The following CHST9 variants were observed in gnomAD, a reference collection of about 807,000 sequenced individuals.
CHST9 encodes carbohydrate sulfotransferase 9, also known as GalNAc-4-sulfotransferase 2.
CHST9 carries 41 observed loss-of-function variants against 44.4 expected under a neutral mutation model. The ratio of observed to expected loss-of-function variants is 0.92; its 90% CI spans 0.72 to 1.20. CHST9 has a LOEUF of 1.20. CHST9 is among the 50% of genes most tolerant of loss of function. CHST9 has a pLI of 0.00. For synonymous variants in CHST9, 171 were observed against 178.4 expected, an observed-to-expected ratio of 0.96 and a Z score of 0.33; for missense variants, 504 against 516.5, an observed-to-expected ratio of 0.98 and a Z score of 0.23.
chr18:27,160,149 G>T (rs1403311400), intron 1 of CHST9, among the ~76,000 whole-genome samples: 1 of 152,112 alleles, frequency 6.6e-6, no homozygotes, highest in Non-Finnish European at 1.5e-5. Context: ...ACACTATGTT[G>T]AATAGGAGTG....
chr18:27,095,423 CA>C (rs2143731246), intron 2 of CHST9, among the ~76,000 whole-genome samples: 1 of 152,202 alleles, frequency 6.6e-6, no homozygotes, highest in South Asian at 2.1e-4. Flanking sequence ...ATGTTAGGAT[CA>C]AAACCTCATA....
chr18:26,978,073 C>T (rs1045679704), intron 4 of CHST9, among the ~76,000 whole-genome samples: 3 of 150,220 alleles, frequency 2.0e-5, no homozygotes, highest in Non-Finnish European at 4.4e-5. Flanking sequence ...TCAAAGACAT[C>T]TGCTCTTTTC....
At chr18:26,954,777 A>G (rs532691302) in intron 4 of CHST9, among the ~76,000 whole-genome samples, 3 of 152,136 alleles carry the variant, frequency 2.0e-5, no homozygotes, top group Admixed American at 6.5e-5. Context: ...CAAACTTGCA[A>G]TTATTTTATT....
intron 2 of CHST9, among the ~76,000 whole-genome samples, chr18:27,062,984 G>C (rs1433240047): frequency 6.6e-6 from 1 of 152,130 alleles, no homozygotes; most frequent in African/African-American, 2.4e-5. Context: ...CACCTCACCT[G>C]GTAGGTCTCT....
At chr18:27,129,871 G>A (rs898226240) in intron 2 of CHST9, among the ~76,000 whole-genome samples, 5 of 151,952 alleles carry the variant, frequency 3.3e-5, no homozygotes, top group Non-Finnish European at 5.9e-5. Context: ...TCCTCGTGGT[G>A]CATCTAGTTG....
At chr18:27,067,974 C>T (rs2057799740) in intron 2 of CHST9, among the ~76,000 whole-genome samples, 1 of 152,142 alleles carries the variant, frequency 6.6e-6, no homozygotes, top group Non-Finnish European at 1.5e-5. Flanking sequence ...CCCATAGAGT[C>T]CCCAAGACTA....
chr18:27,035,428 T>C (rs2057380936), intron 3 of CHST9, among the ~76,000 whole-genome samples: 1 of 152,150 alleles, frequency 6.6e-6, no homozygotes, highest in East Asian at 1.9e-4. Context: ...AGCTAGGATA[T>C]GGAAACAATC....
intron 4 of CHST9, among the ~76,000 whole-genome samples, chr18:27,012,941 T>A (rs2057102934): frequency 6.6e-6 from 1 of 152,226 alleles, no homozygotes; most frequent in Admixed American, 6.5e-5. Context: ...GATCTAATTT[T>A]ACATACTGTG....
intron 5 of CHST9, among the ~76,000 whole-genome samples, chr18:26,924,214 A>T (rs1312889543): frequency 3.3e-5 from 5 of 152,178 alleles, no homozygotes; most frequent in Non-Finnish European, 5.9e-5. Context: ...ACAATGGGGT[A>T]AGAATGAAGA....
intron 2 of CHST9, among the ~76,000 whole-genome samples, chr18:27,058,803 T>C (rs2057688048): frequency 6.6e-6 from 1 of 152,194 alleles, no homozygotes; most frequent in African/African-American, 2.4e-5. Context: ...CTGCCAGACT[T>C]TTCCCAAATC....
At chr18:27,145,190 G>T (rs1456956783) in intron 1 of CHST9, among the ~76,000 whole-genome samples, 1 of 152,038 alleles carries the variant, frequency 6.6e-6, no homozygotes, top group Non-Finnish European at 1.5e-5. Context: ...TTGTTTGTTT[G>T]TTTTGTTTAT....
Position 26,970,702 on chromosome 18 carries a change from A to G in CHST9, c.203-26336T>C, listed in dbSNP as rs750455440. 1.4e-3 allele frequency among the ~76,000 whole-genome samples: 215 copies of G among 152,348 alleles called. 1 individual carries two copies. In the Middle Eastern group the frequency reaches 0.034, roughly 24 times the overall value. ...CTCGGCCTCCCAAAGTGCTGGGATT[A>G]TAGGCGTGAGCCAATGCGCCTGGCT... On this transcript the variant is annotated intron_variant, in intron 4 of 5. Transcript: ENST00000618847.
chr18:27,011,177 G>A (rs1276718664), intron 4 of CHST9, among the ~76,000 whole-genome samples: 1 of 152,126 alleles, frequency 6.6e-6, no homozygotes, highest in Non-Finnish European at 1.5e-5. Context: ...TAGTAATAAA[G>A]TCAAAAAAGA....
At chr18:26,968,646 A>T (rs2145164479) in intron 4 of CHST9, among the ~76,000 whole-genome samples, 1 of 152,374 alleles carries the variant, frequency 6.6e-6, no homozygotes, top group African/African-American at 2.4e-5. Flanking sequence ...TTCATTAAAT[A>T]TTCTACAATG....
chr18:27,099,457 T>C (rs2058149286), intron 2 of CHST9, among the ~76,000 whole-genome samples: 1 of 152,004 alleles, frequency 6.6e-6, no homozygotes, highest in Non-Finnish European at 1.5e-5. Flanking sequence ...AGGTCTAATA[T>C]ACAGAATTGA....
chr18:27,140,785 G>T (rs78685490), intron 2 of CHST9, among the ~76,000 whole-genome samples: 211 of 152,182 alleles, frequency 1.4e-3, no homozygotes, highest in African/African-American at 4.6e-3. Flanking sequence ...TTTTACTACA[G>T]GTGGTTTCAT....
At chr18:26,921,568 C>G (rs1030940555) in intron 5 of CHST9, among the ~76,000 whole-genome samples, 1 of 152,126 alleles carries the variant, frequency 6.6e-6, no homozygotes, top group Non-Finnish European at 1.5e-5. Context: ...CCATCTAACT[C>G]CATTTTCTTC....
chr18:26,961,366 T>C (rs1345310496), intron 4 of CHST9, among the ~76,000 whole-genome samples: 2 of 152,234 alleles, frequency 1.3e-5, no homozygotes, highest in Non-Finnish European at 2.9e-5. Flanking sequence ...TAGCACTTTG[T>C]TACACGTTAA....
At chr18:26,932,841 T>C (rs2055904946) in intron 5 of CHST9, among the ~76,000 whole-genome samples, 1 of 152,232 alleles carries the variant, frequency 6.6e-6, no homozygotes, top group South Asian at 2.1e-4. Context: ...GGTAGTAACT[T>C]ATCAGATGGA....
Sources: gnomAD v4.1 joint callset for allele counts (sites outside exome capture counted in the v4.1 genomes callset) on GRCh38, gnomAD v4.1.1 for gene constraint, MANE v1.5 for transcripts, NCBI Gene and HGNC (gene_info 2026-07-23, HGNC 2026-07-21) for gene names.